TSPAN5: variants seen among roughly 807,000 people sequenced by gnomAD.
TSPAN5 encodes the protein tetraspanin-5.
A neutral mutation model predicts 37.1 loss-of-function variants in TSPAN5; 10 were observed. That is an observed-to-expected ratio of 0.27 (90% CI 0.17 to 0.46). The LOEUF is 0.46. TSPAN5 is among the 20% of genes least tolerant of loss of function. The pLI is 1.00. For synonymous variants in TSPAN5, 110 were observed against 118.9 expected (o/e 0.93, Z 0.48); for missense variants, 195 against 326.6 (o/e 0.60, Z 3.11).
At chr4:98,552,154 A>AG (rs1006547174) in intron 1 of TSPAN5, among the ~76,000 whole-genome samples, 2 of 152,108 alleles carry the variant, frequency 1.3e-5, no homozygotes, top group Non-Finnish European at 2.9e-5. Flanking sequence ...CAAAAAACCA[A>AG]CTTTTCATTT....
chr4:98,640,930 C>G (rs566230167), intron 1 of TSPAN5, among the ~76,000 whole-genome samples: 2 of 152,224 alleles, frequency 1.3e-5, no homozygotes, highest in South Asian at 4.1e-4. Flanking sequence ...CACAATGATC[C>G]TAGAGGTCGC....
intron 2 of TSPAN5, among the ~76,000 whole-genome samples, chr4:98,506,698 G>A (rs772292284): frequency 6.6e-6 from 1 of 152,152 alleles, no homozygotes; most frequent in Non-Finnish European, 1.5e-5. Context: ...AAACACCTAC[G>A]GGATCAAAGA....
chr4:98,609,778 G>A (rs1372176419), intron 1 of TSPAN5, among the ~76,000 whole-genome samples: 1 of 152,184 alleles, frequency 6.6e-6, no homozygotes, highest in Non-Finnish European at 1.5e-5. Context: ...AGGGAGGCAA[G>A]AAGACCCCAC....
rs1388882090 is a variant in TSPAN5 at position 98,595,577 on chromosome 4, C to T, written c.81+62569G>A. The stretch of plus-strand genomic sequence containing the variant: ...TGCTTTCTCTTGTAGGCATTTAGTG[C>T]TATAAATTTCCCTCTACACACTGCT... On this transcript the variant is annotated intron_variant, in intron 1 of 7. Transcript: ENST00000305798. Among the ~76,000 whole-genome samples, 84 of 131,270 alleles carry T rather than the reference C, an allele frequency of 6.4e-4. 4 individuals carry two copies. The highest frequency in any genetic ancestry group is 9.5e-4 in the Non-Finnish European group (61 of 64,100). The allele number at this position is 131,270 out of a possible 152,430, so 86.1% of individuals were successfully genotyped here. A position where few individuals can be genotyped will look rare whatever the true frequency, so the allele number is the denominator to read the frequency against.
At chr4:98,656,763 C>T (rs1757302381) in intron 1 of TSPAN5, among the ~76,000 whole-genome samples, 1 of 152,124 alleles carries the variant, frequency 6.6e-6, no homozygotes, top group South Asian at 2.1e-4. Flanking sequence ...TGCATTTCCC[C>T]TCACAAAACA....
chr4:98,507,628 T>G (rs1203052103), intron 2 of TSPAN5, 50 bp downstream of exon 2: 4 of 1,399,748 alleles, frequency 2.9e-6, no homozygotes, highest in East Asian at 2.3e-5. Context: ...TAATATGATG[T>G]GCAGCCTCTA....
At chr4:98,615,680 G>T (rs749506415) in intron 1 of TSPAN5, among the ~76,000 whole-genome samples, 22 of 152,178 alleles carry the variant, frequency 1.4e-4, no homozygotes, top group Non-Finnish European at 2.8e-4. Context: ...AATTAGCAGG[G>T]CGTGGTAATG....
At chr4:98,623,610 AT>A (rs1756529646) in intron 1 of TSPAN5, among the ~76,000 whole-genome samples, 1 of 152,234 alleles carries the variant, frequency 6.6e-6, no homozygotes, top group Non-Finnish European at 1.5e-5. Context: ...AAATAATTAA[AT>A]TTTAACTTTG....
intron 1 of TSPAN5, among the ~76,000 whole-genome samples, chr4:98,656,832 G>C (rs978537307): frequency 6.6e-6 from 1 of 152,126 alleles, no homozygotes. Flanking sequence ...CCTGGTAAGA[G>C]TGCGGTACAA....
At chr4:98,632,354 G>A (rs149181240) in intron 1 of TSPAN5, among the ~76,000 whole-genome samples, 152 of 152,084 alleles carry the variant, frequency 1.0e-3, no homozygotes, top group African/African-American at 3.5e-3. Context: ...CTGACCCCCC[G>A]ACCCTGGAAC....
At chr4:98,519,423 A>G (rs1753806724) in intron 1 of TSPAN5, among the ~76,000 whole-genome samples, 1 of 152,178 alleles carries the variant, frequency 6.6e-6, no homozygotes, top group Non-Finnish European at 1.5e-5. Flanking sequence ...GCTTGAGCCC[A>G]GGAGTTCAAG....
At chr4:98,584,949 T>C (rs1755452367) in intron 1 of TSPAN5, among the ~76,000 whole-genome samples, 1 of 152,152 alleles carries the variant, frequency 6.6e-6, no homozygotes, top group Non-Finnish European at 1.5e-5. Context: ...TGTGTCCTCC[T>C]TCCACCGCTT....
chr4:98,499,001 G>A (rs1031889369), intron 2 of TSPAN5, among the ~76,000 whole-genome samples: 2 of 152,196 alleles, frequency 1.3e-5, no homozygotes, highest in Admixed American at 6.5e-5. Flanking sequence ...GCCTGCAGGC[G>A]TGTGAAGAAG....
chr4:98,655,712 G>A (rs1271310202), intron 1 of TSPAN5, among the ~76,000 whole-genome samples: 1 of 152,156 alleles, frequency 6.6e-6, no homozygotes, highest in African/African-American at 2.4e-5. Context: ...AGAGAGCAGA[G>A]GTGTGTAACT....
Position 98,591,069 on chromosome 4 carries a change from G to GTTTTT in TSPAN5, c.81+67072_81+67076dup, listed in dbSNP as rs200525592. Among the ~76,000 whole-genome samples the GTTTTT allele has an allele frequency of 2.9e-5, 4 of 137,996 alleles. 1 individual carries two copies. The highest frequency in any genetic ancestry group is 2.0e-4 in the East Asian group (1 of 4,892). 90.5% of individuals were successfully genotyped at this position (137,996 alleles called of 152,430 possible). The stretch of plus-strand genomic sequence containing the variant: ...CCCTGCCATGCTTTTCCTTTTTTTT[G>GTTTTT]TTTTTTTGTTTTTTTTTTTTAATAA... On this transcript the variant is annotated intron_variant, in intron 1 of 7. Transcript: ENST00000305798.
rs375300088 is a variant in TSPAN5 at position 98,582,529 on chromosome 4, C to T, written c.82-74801G>A. On this transcript the variant is annotated intron_variant, in intron 1 of 7. Transcript: ENST00000305798. Reference sequence around the variant, plus strand: ...ACAGTCAAAACAGGCATTTGCCACACGTTGACTTGCCACAGATGTGAGCAC... The same window carrying T: ...ACAGTCAAAACAGGCATTTGCCACATGTTGACTTGCCACAGATGTGAGCAC... Among the ~76,000 whole-genome samples the T allele has an allele frequency of 6.6e-5, 10 of 152,220 alleles. No individual in the cohort carries two copies. The East Asian group carries it at 1.2e-3, about 18-fold the overall frequency.
At chr4:98,488,906 T>TA (rs1753029390) in intron 2 of TSPAN5, among the ~76,000 whole-genome samples, 1 of 151,764 alleles carries the variant, frequency 6.6e-6, no homozygotes, top group Non-Finnish European at 1.5e-5. Flanking sequence ...AAACTTAAAA[T>TA]AAAAAATCCA....
intron 1 of TSPAN5, among the ~76,000 whole-genome samples, chr4:98,550,610 T>TC (rs1421686927): frequency 7.1e-5 from 1 of 13,994 alleles, no homozygotes; most frequent in Non-Finnish European, 1.4e-4. Flanking sequence ...CAGCTGGGTT[T>TC]TTTTTTTTTT....
intron 1 of TSPAN5, among the ~76,000 whole-genome samples, chr4:98,621,793 C>CT (rs1299837105): frequency 1.3e-5 from 2 of 151,116 alleles, no homozygotes; most frequent in Non-Finnish European, 2.9e-5. Flanking sequence ...TTCCCACCCC[C>CT]CCCGCAGCCC....
Sources: gnomAD v4.1 joint callset for allele counts (sites outside exome capture counted in the v4.1 genomes callset) on GRCh38, gnomAD v4.1.1 for gene constraint, MANE v1.5 for transcripts, NCBI Gene and HGNC (gene_info 2026-07-23, HGNC 2026-07-21) for gene names.